Variants in HS6ST3 observed in about 807,000 individuals in gnomAD.
The protein encoded by HS6ST3 is heparan sulfate 6-O-sulfotransferase 3.
Under a neutral mutation model 36.7 loss-of-function variants are expected in HS6ST3, and 12 were observed. That is an observed-to-expected ratio of 0.33 (90% CI 0.21 to 0.53). HS6ST3 has a LOEUF of 0.53. Among genes scored for constraint, HS6ST3 ranks in the 20% least tolerant of loss-of-function variants. HS6ST3 has a pLI of 0.95. For missense variants in HS6ST3, 584 were observed against 640.9 expected (o/e 0.91, Z 0.96); for synonymous variants, 240 against 257.5 (o/e 0.93, Z 0.65).
chr13:96,612,334 C>T (rs1281333175), intron 1 of HS6ST3, among the ~76,000 whole-genome samples: 1 of 152,008 alleles, frequency 6.6e-6, no homozygotes, highest in Non-Finnish European at 1.5e-5. Flanking sequence ...CCCATTGGCC[C>T]CTCTTTATTA....
chr13:96,729,352 A>G (rs1203217350), intron 1 of HS6ST3, among the ~76,000 whole-genome samples: 1 of 152,178 alleles, frequency 6.6e-6, no homozygotes. Context: ...AGGATCAGAG[A>G]GAAAGCATGG....
chr13:96,437,765 A>G (rs1046731328), intron 1 of HS6ST3, among the ~76,000 whole-genome samples: 1 of 152,246 alleles, frequency 6.6e-6, no homozygotes, highest in Non-Finnish European at 1.5e-5. Context: ...ATGCTAGGGA[A>G]AACAGAACTG....
intron 1 of HS6ST3, among the ~76,000 whole-genome samples, chr13:96,127,970 C>T (rs2139309882): frequency 6.6e-6 from 1 of 152,288 alleles, no homozygotes; most frequent in Non-Finnish European, 1.5e-5. Context: ...AACAGAATCA[C>T]TTAAGTATAT....
intron 1 of HS6ST3, among the ~76,000 whole-genome samples, chr13:96,724,015 A>T (rs530017827): frequency 6.6e-6 from 1 of 152,076 alleles, no homozygotes; most frequent in Non-Finnish European, 1.5e-5. Flanking sequence ...CATTTTACAA[A>T]AAGTTTTCTC....
intron 1 of HS6ST3, among the ~76,000 whole-genome samples, chr13:96,634,396 C>G (rs1354860755): frequency 6.6e-6 from 1 of 152,074 alleles, no homozygotes; most frequent in Non-Finnish European, 1.5e-5. Flanking sequence ...TAAATAAGGA[C>G]CTGTAAGTTT....
intron 1 of HS6ST3, among the ~76,000 whole-genome samples, chr13:96,599,130 TTTTC>T (rs1271787146): frequency 1.3e-5 from 2 of 151,962 alleles, no homozygotes; most frequent in Non-Finnish European, 2.9e-5. Flanking sequence ...GTCTGTAGTT[TTTTC>T]TTTCTTTCTT....
intron 1 of HS6ST3, among the ~76,000 whole-genome samples, chr13:96,338,823 C>A (rs1203008910): frequency 6.6e-6 from 1 of 152,128 alleles, no homozygotes; most frequent in Non-Finnish European, 1.5e-5. Flanking sequence ...AGCGGCAGTA[C>A]CTACATCAAT....
intron 1 of HS6ST3, among the ~76,000 whole-genome samples, chr13:96,645,062 A>AT (rs879580531): frequency 3.4e-4 from 51 of 151,490 alleles, no homozygotes; most frequent in Middle Eastern, 6.8e-3. Flanking sequence ...AGGCCTAATG[A>AT]TTTTTTTTTA....
chr13:96,317,352 A>ATAAAAT (rs2054977857), intron 1 of HS6ST3, among the ~76,000 whole-genome samples: 4 of 71,042 alleles, frequency 5.6e-5, no homozygotes, highest in Non-Finnish European at 9.6e-5. Flanking sequence ...ATATATATAT[A>ATAAAAT]TATATATATA....
intron 1 of HS6ST3, among the ~76,000 whole-genome samples, chr13:96,106,413 A>G (rs1312560239): frequency 6.6e-6 from 1 of 152,158 alleles, no homozygotes; most frequent in African/African-American, 2.4e-5. Flanking sequence ...CAGCAGCACT[A>G]TAGAGAAGCC....
At position 96,442,095 on chromosome 13, in the gene HS6ST3, C is replaced by T. The variant is rs537297618; in HGVS notation, c.707+350526C>T. The stretch of plus-strand genomic sequence containing the variant: ...GAAGTGCAGTGAAGTGACCATGGCT[C>T]GTTGCAGCCTTGACCTCCCGTGTTC... On this transcript the variant is annotated intron_variant, in intron 1 of 1. Coordinates refer to ENST00000376705, the MANE Select transcript of HS6ST3 (RefSeq NM_153456.4). Among the ~76,000 whole-genome samples the T allele has an allele frequency of 6.6e-5, 10 of 151,572 alleles. No individual in the cohort carries two copies. The South Asian group carries it at 1.5e-3, about 22-fold the overall frequency.
chr13:96,116,691 G>A lies in HS6ST3; in HGVS notation c.707+25122G>A, dbSNP rs377035632. On this transcript the variant is annotated intron_variant, in intron 1 of 1. Transcript: ENST00000376705. ...GATACCTGATAGTTCACTCATTATA[G>A]CAAGTGATAAATTGCAGTAAATTTC... Among the ~76,000 whole-genome samples the A allele has an allele frequency of 4.6e-5, 7 of 152,302 alleles. No individual in the cohort carries two copies. In the South Asian group the frequency reaches 1.5e-3, roughly 32 times the overall value.
chr13:96,530,852 A>G (rs1275343985), intron 1 of HS6ST3, among the ~76,000 whole-genome samples: 3 of 152,130 alleles, frequency 2.0e-5, no homozygotes, highest in Non-Finnish European at 4.4e-5. Flanking sequence ...CCCTCTTGAG[A>G]CACAAATTTT....
At chr13:96,429,109 T>C (rs992587164) in intron 1 of HS6ST3, among the ~76,000 whole-genome samples, 1 of 152,172 alleles carries the variant, frequency 6.6e-6, no homozygotes, top group Non-Finnish European at 1.5e-5. Context: ...AAATTGCTGA[T>C]GGGGGATTTA....
chr13:96,301,967 C>T (rs182158075), intron 1 of HS6ST3, among the ~76,000 whole-genome samples: 45 of 149,236 alleles, frequency 3.0e-4, no homozygotes, highest in Non-Finnish European at 6.1e-4. Context: ...AGAAAAATAT[C>T]TACCCTTTTA....
chr13:96,831,067 A>G (rs1878770172), intron 1 of HS6ST3, among the ~76,000 whole-genome samples: 1 of 152,170 alleles, frequency 6.6e-6, no homozygotes, highest in African/African-American at 2.4e-5. Context: ...TTCTCAAATC[A>G]TGGAAAGGAT....
chr13:96,385,523 C>T (rs1201693571), intron 1 of HS6ST3, among the ~76,000 whole-genome samples: 3 of 152,196 alleles, frequency 2.0e-5, no homozygotes, highest in East Asian at 3.9e-4. Context: ...CTGGGATGGG[C>T]TAGTGGATGT....
intron 1 of HS6ST3, among the ~76,000 whole-genome samples, chr13:96,632,795 C>T (rs1037233967): frequency 6.6e-6 from 1 of 152,134 alleles, no homozygotes; most frequent in Non-Finnish European, 1.5e-5. Context: ...AGCGATGGAA[C>T]TTTGATAGTT....
At chr13:96,420,957 A>C (rs2055559325) in intron 1 of HS6ST3, among the ~76,000 whole-genome samples, 1 of 152,152 alleles carries the variant, frequency 6.6e-6, no homozygotes, top group South Asian at 2.1e-4. Context: ...ACCACCTTTC[A>C]TGCAGTTGAA....
Sources: gnomAD v4.1 joint callset for allele counts (sites outside exome capture counted in the v4.1 genomes callset) on GRCh38, gnomAD v4.1.1 for gene constraint, MANE v1.5 for transcripts, NCBI Gene and HGNC (gene_info 2026-07-23, HGNC 2026-07-21) for gene names.